ERC2: variants seen among roughly 807,000 people sequenced by gnomAD.
ERC2 encodes ERC protein 2.
ERC2 carries 42 observed loss-of-function variants against 114.8 expected under a neutral mutation model. The ratio of observed to expected loss-of-function variants is 0.37; its 90% confidence interval spans 0.29 to 0.47. The LOEUF (loss-of-function observed/expected upper bound fraction) is 0.47. Among genes scored for constraint, ERC2 ranks in the 20% least tolerant of loss-of-function variants. ERC2 has a pLI of 0.99. For missense variants in ERC2, 939 were observed against 1,150.7 expected (o/e 0.82, Z 2.66); for synonymous variants, 454 against 425.5 (o/e 1.07, Z -0.82).
intron 17 of ERC2, among the ~76,000 whole-genome samples, chr3:55,675,630 G>C (rs2061750535): frequency 6.6e-6 from 1 of 152,130 alleles, no homozygotes; most frequent in African/African-American, 2.4e-5. Context: ...CTGACTCAGA[G>C]CATTACGTTG....
At chr3:55,595,928 C>A (rs2058104631) in intron 17 of ERC2, among the ~76,000 whole-genome samples, 1 of 152,190 alleles carries the variant, frequency 6.6e-6, no homozygotes, top group African/African-American at 2.4e-5. Flanking sequence ...TGACCATGCT[C>A]TGCACTTTCA....
At chr3:56,301,300 C>A (rs1331467149) in intron 2 of ERC2, among the ~76,000 whole-genome samples, 1 of 152,128 alleles carries the variant, frequency 6.6e-6, no homozygotes, top group Non-Finnish European at 1.5e-5. Flanking sequence ...TTTATATTTT[C>A]ATTTTCTTTT....
intron 7 of ERC2, 36 bp downstream of exon 7, chr3:56,080,781 G>C: frequency 6.3e-7 from 1 of 1,594,840 alleles, no homozygotes; most frequent in South Asian, 1.1e-5. Context: ...AAACATGGAT[G>C]ATACCCCACT....
At chr3:55,805,500 C>A (rs550133617) in intron 14 of ERC2, among the ~76,000 whole-genome samples, 14 of 151,672 alleles carry the variant, frequency 9.2e-5, no homozygotes, top group African/African-American at 2.7e-4. Flanking sequence ...CAGCTCTGAA[C>A]CTGGGGTTGC....
In ERC2 at chr3:56,054,781, C is replaced by T. The variant is rs114726260; in HGVS notation, c.1641+26036G>A. Among the ~76,000 whole-genome samples the T allele has an allele frequency of 7.4e-3, 1,134 of 152,232 alleles. 13 individuals are homozygous for T. The highest frequency in any genetic ancestry group is 0.025 in the African/African-American group (1,057 of 41,532). ...AGGCATTTACAATCAAGTTGCTTTG[C>T]CAACACTCAAGCAAGCAAGTTGGAG... On this transcript the variant is annotated intron_variant, in intron 7 of 17. Coordinates refer to ENST00000288221, the MANE Select transcript of ERC2 (RefSeq NM_015576.3).
At chr3:55,845,503 CAA>C (rs764740068) in intron 14 of ERC2, among the ~76,000 whole-genome samples, 5,265 of 63,464 alleles carry the variant, frequency 0.083, 47 homozygotes, top group South Asian at 0.25. Flanking sequence ...GACTCCGTCT[CAA>C]AAAAAAAAAA....
chr3:56,200,275 C>T (rs1209879857), intron 3 of ERC2, among the ~76,000 whole-genome samples: 2 of 151,706 alleles, frequency 1.3e-5, no homozygotes, highest in African/African-American at 4.8e-5. Context: ...TTTCACTCAC[C>T]TCCATCACAC....
chr3:56,384,039 TA>T (rs2059848227), intron 2 of ERC2, among the ~76,000 whole-genome samples: 1 of 152,194 alleles, frequency 6.6e-6, no homozygotes, highest in East Asian at 1.9e-4. Context: ...GTTTCCTTTT[TA>T]TAAGACTTTA....
intron 10 of ERC2, among the ~76,000 whole-genome samples, chr3:55,996,926 G>A (rs1378684876): frequency 6.6e-6 from 1 of 152,170 alleles, no homozygotes; most frequent in East Asian, 1.9e-4. Context: ...CAAACTATGG[G>A]GTTGTCAAGT....
chr3:55,704,353 G>A (rs815441), intron 15 of ERC2, among the ~76,000 whole-genome samples: 125,551 of 152,284 alleles, frequency 0.82, 52,270 homozygotes, highest in African/African-American at 0.94. Context: ...TCAAGTTAAC[G>A]ATAAAACCTT....
At chr3:55,729,969 T>C (rs1205096269) in intron 15 of ERC2, among the ~76,000 whole-genome samples, 1 of 151,762 alleles carries the variant, frequency 6.6e-6, no homozygotes, top group African/African-American at 2.4e-5. Context: ...ACTCGTTAAG[T>C]TGAATTCCAA....
intron 14 of ERC2, among the ~76,000 whole-genome samples, chr3:55,877,223 G>T (rs2062892193): frequency 6.6e-6 from 1 of 152,152 alleles, no homozygotes; most frequent in South Asian, 2.1e-4. Flanking sequence ...GGATGGCAGT[G>T]GCACCTCCCC....
At chr3:55,778,690 A>G (rs925269705) in intron 14 of ERC2, among the ~76,000 whole-genome samples, 2 of 152,238 alleles carry the variant, frequency 1.3e-5, no homozygotes, top group Non-Finnish European at 2.9e-5. Flanking sequence ...TCTATCAGCC[A>G]GCAGAAAGGT....
chr3:56,046,139 G>A (rs2075444477), intron 7 of ERC2, among the ~76,000 whole-genome samples: 4 of 152,080 alleles, frequency 2.6e-5, no homozygotes, highest in Non-Finnish European at 5.9e-5. Flanking sequence ...GGAAACACTT[G>A]CACTGAAACA....
At chr3:56,224,012 T>C (rs1193124034) in intron 3 of ERC2, among the ~76,000 whole-genome samples, 1 of 152,240 alleles carries the variant, frequency 6.6e-6, no homozygotes. Flanking sequence ...AGTTTGTGTA[T>C]GTCCACCATC....
intron 17 of ERC2, among the ~76,000 whole-genome samples, chr3:55,640,547 C>T (rs548195090): frequency 9.9e-5 from 15 of 152,252 alleles, no homozygotes; most frequent in Admixed American, 9.8e-4. Flanking sequence ...AGCTTCCTCC[C>T]CTAGAGATTG....
At chr3:55,697,036 C>A (rs1028900239) in intron 16 of ERC2, among the ~76,000 whole-genome samples, 17 of 152,154 alleles carry the variant, frequency 1.1e-4, no homozygotes, top group African/African-American at 3.6e-4. Context: ...TTGGAGCTAC[C>A]TTTTATCTGC....
chr3:55,671,008 C>T (rs572299133), intron 17 of ERC2, among the ~76,000 whole-genome samples: 224 of 152,320 alleles, frequency 1.5e-3, no homozygotes, highest in Non-Finnish European at 2.5e-3. Flanking sequence ...CCACACGTGG[C>T]ACACTCATGG....
At chr3:55,667,340 C>G (rs748255467) in intron 17 of ERC2, among the ~76,000 whole-genome samples, 28 of 152,170 alleles carry the variant, frequency 1.8e-4, no homozygotes, top group Non-Finnish European at 3.1e-4. Flanking sequence ...GATGTAAATG[C>G]TAGTTGCATA....
Sources: gnomAD v4.1 joint callset for allele counts (sites outside exome capture counted in the v4.1 genomes callset) on GRCh38, gnomAD v4.1.1 for gene constraint, MANE v1.5 for transcripts, NCBI Gene and HGNC (gene_info 2026-07-23, HGNC 2026-07-21) for gene names.